The following FCN1 variants were observed in gnomAD, a reference collection of about 807,000 sequenced individuals.
The protein encoded by FCN1 is ficolin-1.
Under a neutral mutation model 35.6 loss-of-function variants are expected in FCN1, and 42 were observed. That is an observed-to-expected ratio of 1.18 (90% CI 0.92 to 1.53). The LOEUF (loss-of-function observed/expected upper bound fraction) is 1.53. Among genes scored for constraint, FCN1 ranks in the 40% most tolerant of loss-of-function variants. The pLI, the probability that FCN1 is intolerant of heterozygous loss-of-function variation, is 0.00. For synonymous variants in FCN1, 179 were observed against 169.8 expected (o/e 1.05, Z -0.42); for missense variants, 439 against 428.4 (o/e 1.02, Z -0.22).
Position 134,916,371 on chromosome 9 carries a change from T to C in FCN1, c.194A>G (p.Glu65Gly). 1 of 1,614,026 alleles carries C rather than the reference T, an allele frequency of 6.2e-7. No individual in the cohort carries two copies. Among genetic ancestry groups the C allele is most frequent in the Non-Finnish European group, 8.5e-7 (1 of 1,179,974 alleles). ...GLPGAPGPKG[E>G]AGVIGERGER... Reference sequence around the variant, plus strand: ...ACCTCTCTCTCCAATGACACCTGCCTCTCCCTTTGGCCCTGGGGCCCCGGG... The same window carrying C: ...ACCTCTCTCTCCAATGACACCTGCCCCTCCCTTTGGCCCTGGGGCCCCGGG... Residue 65 changes from glutamate to glycine, a missense_variant, in exon 2 of 9, where the codon GAG (glutamate) becomes GGG (glycine). By Grantham distance (98) the Glu-to-Gly change is moderately conservative (BLOSUM62 -2). Coordinates refer to ENST00000371806, the MANE Select transcript of FCN1 (RefSeq NM_002003.5).
intron 7 of FCN1, 137 bp from the exon 8 acceptor site, chr9:134,911,404 G>T: frequency 1.4e-6 from 1 of 722,628 alleles, no homozygotes; most frequent in Non-Finnish European, 2.2e-6. Flanking sequence ...GAGTGCAATG[G>T]CACCATCTCA....
At position 134,916,399 on chromosome 9, in the gene FCN1, G is replaced by GC. The variant is rs1320334760; in HGVS notation, c.165dup (p.Leu56AlafsTer92). 2 of 1,614,072 alleles carry GC rather than the reference G, an allele frequency of 1.2e-6. No individual in the cohort carries two copies. The highest frequency in any genetic ancestry group is 1.7e-6 in the Non-Finnish European group (2 of 1,180,040). On this transcript the variant is annotated frameshift_variant, in exon 2 of 9. Transcript: ENST00000371806. LOFTEE classifies it high-confidence loss of function. ...CCCTTTGGCCCTGGGGCCCCGGGCAGCCCCGGGCAGCCTCGGAGAATGGTG... is the reference window on the plus strand; with the variant it reads ...CCCTTTGGCCCTGGGGCCCCGGGCAGCCCCCGGGCAGCCTCGGAGAATGGTG...
rs768035098 is a variant in FCN1 at position 134,912,643 on chromosome 9, G to C, written c.469-28C>G. Reference sequence around the variant, plus strand: ...GTGAAGAAGCCAGGATACAGAGTTAGGCGGGGCAGGCCGAGGTCCCACAGC... The same window carrying C: ...GTGAAGAAGCCAGGATACAGAGTTACGCGGGGCAGGCCGAGGTCCCACAGC... On this transcript the variant is annotated intron_variant, in intron 6 of 8. Coordinates refer to ENST00000371806, the MANE Select transcript of FCN1 (RefSeq NM_002003.5). The C allele has an allele frequency of 4.3e-6, 7 of 1,613,860 alleles. No individual in the cohort carries two copies. In the African/African-American group the frequency reaches 9.3e-5, roughly 22 times the overall value.
rs1831037046 is a variant in FCN1 at position 134,912,562 on chromosome 9, T to C, written c.522A>G (p.Ala174=). ...GCTGACTGCCGAAGCCCTGCTTGTA[T>C]GCGGCCCAGTCCCGATAGAAGTCCA... ...GSVDFYRDWA[A]YKQGFGSQLG... The change falls in exon 7 of 9, where the codon GCA becomes GCG. Residue 174 remains alanine (A), a synonymous_variant. Transcript: ENST00000371806. The C allele has an allele frequency of 2.5e-6, 4 of 1,614,144 alleles. No homozygotes were observed. Among genetic ancestry groups the C allele is most frequent in the Non-Finnish European group, 3.4e-6 (4 of 1,180,004 alleles).
chr9:134,917,723 G>C (rs769909709), intron 1 of FCN1, 46 bp downstream of exon 1: 1 of 1,262,194 alleles, frequency 7.9e-7, no homozygotes, highest in East Asian at 2.3e-5. Context: ...CAGTGAGTGG[G>C]GTTGTTACCA....
In FCN1 at chr9:134,904,761, C is replaced by A. The variant is rs1221071883; in HGVS notation, c.*5037G>T. 6.6e-6 allele frequency among the ~76,000 whole-genome samples: 1 copy of A among 151,944 alleles called. No homozygotes were observed. The highest frequency in any genetic ancestry group is 1.5e-5 in the Non-Finnish European group (1 of 68,010). On this transcript the variant is annotated 3_prime_UTR_variant, in exon 9 of 9. Transcript: ENST00000371806. ...TACCGCTGCACTCCAGCCTGGGGGA[C>A]AGAGTGAGACCCTGTTTCAAAAAAT...
rs1369281649 is a variant in FCN1 at position 134,905,003 on chromosome 9, A to AT, written c.*4794dup. Reference sequence around the variant, plus strand: ...ATCATAGCATGGCGGCAAGAATGGCATAAAAAGCAGAAGGGAGTGAATGTA... The same window carrying AT: ...ATCATAGCATGGCGGCAAGAATGGCATTAAAAAGCAGAAGGGAGTGAATGTA... On this transcript the variant is annotated 3_prime_UTR_variant, in exon 9 of 9. Transcript: ENST00000371806. Among the ~76,000 whole-genome samples, 1 of 152,208 alleles carries AT rather than the reference A, an allele frequency of 6.6e-6. No individual in the cohort carries two copies. The highest frequency in any genetic ancestry group is 1.5e-5 in the Non-Finnish European group (1 of 68,036).
rs1424767690 is a variant in FCN1 at position 134,913,087 on chromosome 9, T to C, written c.397A>G (p.Thr133Ala). The C allele has an allele frequency of 6.2e-7, 1 of 1,613,530 alleles. No individual in the cohort carries two copies. The highest frequency in any genetic ancestry group is 2.2e-5 in the East Asian group (1 of 44,868). ...DRGYFLSGWH[T>A]IYLPDCRPLT... ...GGCCGGCAGTCGGGCAGGTAGATGG[T>C]GTGCCAGCCGCTCAGGAAATACCCC... The change falls in exon 6 of 9, where the codon ACC (threonine) becomes GCC (alanine). Residue 133 changes from threonine to alanine, a missense_variant. Transcript: ENST00000371806.
Position 134,905,730 on chromosome 9 carries a change from C to G in FCN1, c.*4068G>C, listed in dbSNP as rs969650355. On this transcript the variant is annotated 3_prime_UTR_variant, in exon 9 of 9. Transcript: ENST00000371806. ...TGATCTCCTGACCTTGTGATCCGCC[C>G]GCCTCGGCCTCCCAAAGTGCTGGGA... is the stretch of plus-strand genomic sequence containing the variant. 6.6e-6 allele frequency among the ~76,000 whole-genome samples: 1 copy of G among 151,496 alleles called. No homozygotes were observed. Among genetic ancestry groups the G allele is most frequent in the African/African-American group, 2.4e-5 (1 of 41,052 alleles).
rs1189438225 is a variant in FCN1 at position 134,907,480 on chromosome 9, C to T, written c.*2318G>A. ...AAGTACAGCTTAATTATTTTCATCA[C>T]TAGTTAACAAACATCCTTACAATCA... On this transcript the variant is annotated 3_prime_UTR_variant, in exon 9 of 9. Coordinates refer to ENST00000371806, the MANE Select transcript of FCN1 (RefSeq NM_002003.5). 1 of 152,230 alleles carries T rather than the reference C, an allele frequency of 6.6e-6. No individual in the cohort carries two copies. The highest frequency in any genetic ancestry group is 1.9e-4 in the East Asian group (1 of 5,200). The allele number at this position is 152,230 out of a possible 1,614,324, so 9.4% of individuals were successfully genotyped here. A position where few individuals can be genotyped will look rare whatever the true frequency, so the allele number is the denominator to read the frequency against.
At position 134,912,487 on chromosome 9, in the gene FCN1, C is replaced by T. The variant is rs201852471; in HGVS notation, c.597G>A (p.Gln199=). 2 of 1,613,792 alleles carry T rather than the reference C, an allele frequency of 1.2e-6. No homozygotes were observed. The highest frequency in any genetic ancestry group is 4.5e-5 in the East Asian group (2 of 44,856). The stretch of plus-strand genomic sequence containing the variant: ...CCTGAGCCACGGCAGTGGCCCTACC[C>T]TGGGCAGTCAGGGCGTGGATGTTGT... ...GNDNIHALTA[Q]GSSELRVDLV... is the part of the protein sequence containing the mutation. The change falls in exon 7 of 9, where the codon CAG becomes CAA. Residue 199 remains glutamine, a splice_region_variant and synonymous_variant. Coordinates refer to ENST00000371806, the MANE Select transcript of FCN1 (RefSeq NM_002003.5).
intron 8 of FCN1, 140 bp from the exon 9 acceptor site, chr9:134,910,185 C>A: frequency 1.3e-6 from 1 of 794,886 alleles, no homozygotes; most frequent in Non-Finnish European, 2.1e-6. Flanking sequence ...AAATGACCCA[C>A]CCAGGCCTTG....
At chr9:134,914,477 G>T in intron 3 of FCN1, 57 bp from the exon 4 acceptor site, 1 of 1,480,998 alleles carries the variant, frequency 6.8e-7, no homozygotes, top group Non-Finnish European at 9.2e-7. Flanking sequence ...GCCACGGAAA[G>T]GCTGGTCCAG....
chr9:134,905,974 T>TCTTCTTCTCCTC lies in FCN1; in HGVS notation c.*3823_*3824insGAGGAGAAGAAG, dbSNP rs1564215754. 8.1e-6 allele frequency: 1 copy of TCTTCTTCTCCTC among 123,988 alleles called. No individual in the cohort carries two copies. The highest frequency in any genetic ancestry group is 5.0e-5 in the African/African-American group (1 of 19,888). The allele number at this position is 123,988 out of a possible 1,614,324, so 7.7% of individuals were successfully genotyped here. On this transcript the variant is annotated 3_prime_UTR_variant, in exon 9 of 9. Coordinates refer to ENST00000371806, the MANE Select transcript of FCN1 (RefSeq NM_002003.5). ...CCCTCTCCCTCTCCCTCTTTCTCCT[T>TCTTCTTCTCCTC]CTTCTTCTTCTTCTTTTTATTTTTA...
In FCN1 at chr9:134,909,557, C is replaced by G; in HGVS notation, c.*241G>C. ...GAAAGTGATCAAAACCACTGGTGTTCAAGAAACACACATTGAAACTGGTAA... is the reference window on the plus strand; with the variant it reads ...GAAAGTGATCAAAACCACTGGTGTTGAAGAAACACACATTGAAACTGGTAA... On this transcript the variant is annotated 3_prime_UTR_variant, in exon 9 of 9. Coordinates refer to ENST00000371806, the MANE Select transcript of FCN1 (RefSeq NM_002003.5). 7.0e-7 allele frequency: 1 copy of G among 1,434,972 alleles called. No homozygotes were observed. The highest frequency in any genetic ancestry group is 9.2e-7 in the Non-Finnish European group (1 of 1,082,302). 88.9% of individuals were successfully genotyped at this position (1,434,972 alleles called of 1,614,324 possible). A position where few individuals can be genotyped will look rare whatever the true frequency, so the allele number is the denominator to read the frequency against.
intron 4 of FCN1, 25 bp from the exon 5 acceptor site, chr9:134,913,638 T>C (rs376671452): frequency 4.2e-5 from 67 of 1,586,600 alleles, no homozygotes; most frequent in Non-Finnish European, 5.2e-5. Context: ...GAGACACTTG[T>C]CATAAGCTTG....
intron 7 of FCN1, 27 bp downstream of exon 7, chr9:134,912,459 A>G: frequency 1.9e-6 from 3 of 1,606,620 alleles, no homozygotes; most frequent in Non-Finnish European, 1.7e-6. Context: ...GGGCCCCCCA[A>G]CCCCTGAGCC....
chr9:134,915,169 C>T (rs1005873096), intron 2 of FCN1, among the ~76,000 whole-genome samples: 2 of 152,200 alleles, frequency 1.3e-5, no homozygotes, highest in Non-Finnish European at 2.9e-5. Context: ...ACAAAGAATG[C>T]GTCCTCAGAG....
Position 134,907,377 on chromosome 9 carries a change from A to G in FCN1, c.*2421T>C, listed in dbSNP as rs1042140124. On this transcript the variant is annotated 3_prime_UTR_variant, in exon 9 of 9. Transcript: ENST00000371806. The stretch of plus-strand genomic sequence containing the variant: ...ATGTGCCTGTAGCTCATGTTCCTGG[A>G]TCCAAGCATGTGCAGTTTCTTTATA... 1 of 152,234 alleles carries G rather than the reference A, an allele frequency of 6.6e-6. No homozygotes were observed. Among genetic ancestry groups the G allele is most frequent in the African/African-American group, 2.4e-5 (1 of 41,452 alleles). The allele number at this position is 152,234 out of a possible 1,614,324, so 9.4% of individuals were successfully genotyped here.
Sources: gnomAD v4.1 joint callset for allele counts (sites outside exome capture counted in the v4.1 genomes callset) on GRCh38, gnomAD v4.1.1 for gene constraint, MANE v1.5 for transcripts, NCBI Gene and HGNC (gene_info 2026-07-23, HGNC 2026-07-21) for gene names.